The following MAP3K7CL variants were observed in gnomAD, a reference collection of about 807,000 sequenced individuals.
MAP3K7CL encodes MAP3K7 C-terminal-like protein.
MAP3K7CL carries 16 observed loss-of-function variants against 18.6 expected under a neutral mutation model. The observed-to-expected ratio is 0.86, with a 90% CI of 0.58 to 1.31. The LOEUF (loss-of-function observed/expected upper bound fraction) is 1.31. Among genes scored for constraint, MAP3K7CL ranks in the 50% most tolerant of loss-of-function variants. The pLI, the probability that MAP3K7CL is intolerant of heterozygous loss-of-function variation, is 0.00. For missense variants in MAP3K7CL, 163 were observed against 174.4 expected (o/e 0.93, Z 0.37); for synonymous variants, 65 against 66.8 (o/e 0.97, Z 0.13).
At chr21:29,116,446 C>G (rs1047320609) in intron 4 of MAP3K7CL, among the ~76,000 whole-genome samples, 4 of 152,332 alleles carry the variant, frequency 2.6e-5, no homozygotes, top group Admixed American at 2.0e-4. Flanking sequence ...ACATTAGTAA[C>G]AGAATCACAT....
At position 29,174,838 on chromosome 21, in the gene MAP3K7CL, G is replaced by A; in HGVS notation, c.375G>A (p.Val125=). The A allele has an allele frequency of 6.2e-7, 1 of 1,614,108 alleles. No homozygotes were observed. The highest frequency in any genetic ancestry group is 1.7e-5 in the Admixed American group (1 of 60,024). The change falls in exon 5 of 5, where the codon GTG becomes GTA. Residue 125 remains valine (V), a synonymous_variant. Transcript: ENST00000399928. Reference sequence around the variant, plus strand: ...TGAGGTTGGCCCAGTCTCAATGTGTGGAACAACTGGAGAAACTTCGAATAC... The same window carrying A: ...TGAGGTTGGCCCAGTCTCAATGTGTAGAACAACTGGAGAAACTTCGAATAC... The part of the protein sequence containing the change: ...RTLRLAQSQC[V]EQLEKLRIQY...
At chr21:29,113,094 C>G (rs1052606641) in intron 4 of MAP3K7CL, among the ~76,000 whole-genome samples, 1 of 152,160 alleles carries the variant, frequency 6.6e-6, no homozygotes, top group Non-Finnish European at 1.5e-5. Context: ...TGCGCCCGGC[C>G]CCATTTATCT....
intron 4 of MAP3K7CL, chr21:29,109,780 C>G (rs1275367496): frequency 1.0e-6 from 1 of 985,306 alleles, no homozygotes; most frequent in Admixed American, 6.1e-5. Context: ...AATAAAGTGT[C>G]TTTTACTTAT....
At chr21:29,124,309 G>A (rs191649768) in intron 4 of MAP3K7CL, among the ~76,000 whole-genome samples, 169 of 139,510 alleles carry the variant, frequency 1.2e-3, no homozygotes, top group South Asian at 2.5e-3. Flanking sequence ...AGCCGATATC[G>A]CGCCACTGTG....
chr21:29,148,528 A>G (rs1230308157), intron 2 of MAP3K7CL, among the ~76,000 whole-genome samples: 1 of 152,344 alleles, frequency 6.6e-6, no homozygotes, highest in Admixed American at 6.5e-5. Context: ...ATTGCCAACC[A>G]GTCAACGTAA....
intron 4 of MAP3K7CL, among the ~76,000 whole-genome samples, chr21:29,097,412 AT>A (rs2086142305): frequency 6.6e-6 from 1 of 152,230 alleles, no homozygotes; most frequent in African/African-American, 2.4e-5. Flanking sequence ...TAAATAAAAA[AT>A]ATTACTATTG....
At chr21:29,169,299 A>T (rs1217075663) in intron 4 of MAP3K7CL, among the ~76,000 whole-genome samples, 4 of 152,220 alleles carry the variant, frequency 2.6e-5, no homozygotes, top group Non-Finnish European at 5.9e-5. Context: ...TTCTTCATGC[A>T]TTAAGCATTT....
intron 1 of MAP3K7CL, chr21:29,080,627 GGT>G (rs2085820296): frequency 6.6e-6 from 1 of 152,194 alleles, no homozygotes; most frequent in African/African-American, 2.4e-5. Flanking sequence ...AAGCCCTGGT[GGT>G]GTGTTCTTGA....
At chr21:29,165,282 CAG>C (rs1485525758) in intron 4 of MAP3K7CL, among the ~76,000 whole-genome samples, 1 of 152,086 alleles carries the variant, frequency 6.6e-6, no homozygotes, top group African/African-American at 2.4e-5. Flanking sequence ...GAAAAATAGA[CAG>C]ACTCTTAGAA....
rs1044680204 is a variant in MAP3K7CL, at chr21:29,091,604, T to C, written c.133+28T>C. On this transcript the variant is annotated intron_variant, in intron 2 of 6. Coordinates refer to the MAP3K7CL transcript ENST00000286791. ...AATTGTCCCACCTCAGCCCCTCAAG[T>C]AACTGGGACCACAGGCGTGCACCAC... 9 of 700,560 alleles carry C rather than the reference T, an allele frequency of 1.3e-5. No individual in the cohort carries two copies. The Admixed American group carries it at 1.6e-4, about 13-fold the overall frequency. The allele number at this position is 700,560 out of a possible 1,614,324, so 43.4% of individuals were successfully genotyped here. A position where few individuals can be genotyped will look rare whatever the true frequency, so the allele number is the denominator to read the frequency against.
rs952734279 is a variant in MAP3K7CL, at chr21:29,175,152, T to G, written c.*260T>G. On this transcript the variant is annotated 3_prime_UTR_variant, in exon 5 of 5. Transcript: ENST00000399928. ...TTTCCAAAGATATATGTTTTTTTCT[T>G]TTTTAGGAAGATATGATCATGCTGT... The G allele has an allele frequency of 6.5e-6, 2 of 307,342 alleles. No homozygotes were observed. Among genetic ancestry groups the G allele is most frequent in the African/African-American group, 4.3e-5 (2 of 46,064 alleles). 19.0% of individuals were successfully genotyped at this position (307,342 alleles called of 1,614,324 possible).
Position 29,093,689 on chromosome 21 carries a change from C to T in MAP3K7CL, c.370+1108C>T, listed in dbSNP as rs1185734019. 6.6e-5 allele frequency among the ~76,000 whole-genome samples: 10 copies of T among 151,924 alleles called. No homozygotes were observed. In the South Asian group the frequency reaches 1.2e-3, roughly 19 times the overall value. Reference sequence around the variant, plus strand: ...TTTTTTAGTAGAGATGGGGCTTCACCGTGTTGGCCAGGATGGTCTCAATCT... The same window carrying T: ...TTTTTTAGTAGAGATGGGGCTTCACTGTGTTGGCCAGGATGGTCTCAATCT... On this transcript the variant is annotated intron_variant, in intron 4 of 6. Transcript: ENST00000286791.
intron 4 of MAP3K7CL, among the ~76,000 whole-genome samples, chr21:29,121,257 T>C (rs2146590299): frequency 6.6e-6 from 1 of 151,886 alleles, no homozygotes; most frequent in African/African-American, 2.4e-5. Context: ...GTAAAGCTGG[T>C]AGGACATAAA....
chr21:29,169,298 C>G (rs1244213614), intron 4 of MAP3K7CL, among the ~76,000 whole-genome samples: 4 of 152,174 alleles, frequency 2.6e-5, no homozygotes, highest in Admixed American at 2.0e-4. Context: ...TTTCTTCATG[C>G]ATTAAGCATT....
intron 4 of MAP3K7CL, chr21:29,109,702 A>G: frequency 1.0e-6 from 1 of 986,416 alleles, no homozygotes; most frequent in Non-Finnish European, 1.2e-6. Flanking sequence ...GCTCACTGCA[A>G]CCTTATACAA....
chr21:29,125,920 T>C (rs560733239), upstream of MAP3K7CL, among the ~76,000 whole-genome samples: 1 of 152,176 alleles, frequency 6.6e-6, no homozygotes, highest in Non-Finnish European at 1.5e-5. Context: ...CATGAACCAA[T>C]TGGAAGAGGT....
At chr21:29,103,327 C>G (rs1223204612) in intron 4 of MAP3K7CL, among the ~76,000 whole-genome samples, 3 of 152,050 alleles carry the variant, frequency 2.0e-5, no homozygotes, top group Non-Finnish European at 4.4e-5. Flanking sequence ...CATGGTGGCT[C>G]ACGTCTGTCA....
intron 2 of MAP3K7CL, among the ~76,000 whole-genome samples, chr21:29,136,043 C>T (rs746792274): frequency 1.3e-5 from 2 of 152,038 alleles, no homozygotes; most frequent in Non-Finnish European, 1.5e-5. Context: ...GTTCTAAGGC[C>T]CCACTCCTAT....
At chr21:29,170,755 C>T (rs993721416) in intron 4 of MAP3K7CL, among the ~76,000 whole-genome samples, 1 of 151,848 alleles carries the variant, frequency 6.6e-6, no homozygotes, top group Admixed American at 6.6e-5. Context: ...TCTCCTGCCT[C>T]AGCCTCCCGA....
Sources: gnomAD v4.1 joint callset for allele counts (sites outside exome capture counted in the v4.1 genomes callset) on GRCh38, gnomAD v4.1.1 for gene constraint, MANE v1.5 for transcripts, NCBI Gene and HGNC (gene_info 2026-07-23, HGNC 2026-07-21) for gene names.